Variants in CSMD1 observed in about 807,000 individuals in gnomAD.
CSMD1 encodes CUB and sushi domain-containing protein 1.
A neutral mutation model predicts 417.5 loss-of-function variants in CSMD1; 213 were observed. The observed-to-expected ratio is 0.51, with a 90% CI of 0.46 to 0.57. CSMD1 has a LOEUF of 0.57. Among genes scored for constraint, CSMD1 ranks in the 20% least tolerant of loss-of-function variants. CSMD1 has a pLI of 0.00. For missense variants in CSMD1, 6,923 were observed against 4,529.7 expected (o/e 1.53, Z -15.17); for synonymous variants, 2,862 against 1,736.8 (o/e 1.65, Z -16.11).
chr8:4,509,716 G>A (rs987703413), intron 2 of CSMD1, among the ~76,000 whole-genome samples: 2 of 152,058 alleles, frequency 1.3e-5, no homozygotes, highest in East Asian at 1.9e-4. Context: ...CACTTATTAA[G>A]CCTCATTCTA....
chr8:4,905,614 T>C (rs538562071), intron 1 of CSMD1, among the ~76,000 whole-genome samples: 2,647 of 151,596 alleles, frequency 0.017, 61 homozygotes, highest in African/African-American at 0.057. Context: ...GGTCATGAGA[T>C]CGAGGCCATC....
intron 1 of CSMD1, among the ~76,000 whole-genome samples, chr8:4,902,433 A>AC (rs1804945924): frequency 8.7e-6 from 1 of 115,490 alleles, no homozygotes; most frequent in South Asian, 2.8e-4. Flanking sequence ...TCTAAAGAGG[A>AC]GAAAAAAAAA....
At chr8:3,684,162 T>C (rs1211293384) in intron 7 of CSMD1, among the ~76,000 whole-genome samples, 2 of 143,100 alleles carry the variant, frequency 1.4e-5, no homozygotes, top group Non-Finnish European at 3.0e-5. Context: ...ATAATTTATA[T>C]AATATATATT....
intron 1 of CSMD1, among the ~76,000 whole-genome samples, chr8:4,674,618 G>C (rs1805557680): frequency 1.3e-5 from 2 of 152,046 alleles, no homozygotes; most frequent in Admixed American, 1.3e-4. Context: ...GGAACACCAA[G>C]GAGACAAATA....
At chr8:4,275,931 G>A (rs1796461162) in intron 3 of CSMD1, among the ~76,000 whole-genome samples, 1 of 152,186 alleles carries the variant, frequency 6.6e-6, no homozygotes, top group South Asian at 2.1e-4. Flanking sequence ...GATACTTTGT[G>A]TAAAAAGGAA....
At chr8:4,928,550 T>C (rs920228601) in intron 1 of CSMD1, among the ~76,000 whole-genome samples, 2 of 152,130 alleles carry the variant, frequency 1.3e-5, no homozygotes, top group African/African-American at 4.8e-5. Context: ...AAATAACAAT[T>C]CTAATTCCAG....
chr8:3,551,592 A>C (rs62475795), intron 10 of CSMD1, among the ~76,000 whole-genome samples: 1 of 117,226 alleles, frequency 8.5e-6, no homozygotes, highest in East Asian at 2.4e-4. Flanking sequence ...ATATATATAT[A>C]TATATTTTTT....
intron 5 of CSMD1, among the ~76,000 whole-genome samples, chr8:3,910,081 T>C (rs1467044405): frequency 6.6e-6 from 1 of 152,192 alleles, no homozygotes; most frequent in East Asian, 1.9e-4. Context: ...GCTGCTAACA[T>C]GGCATTGGGG....
chr8:3,272,959 C>T (rs1278646109), intron 26 of CSMD1, among the ~76,000 whole-genome samples: 1 of 150,062 alleles, frequency 6.7e-6, no homozygotes, highest in Non-Finnish European at 1.5e-5. Flanking sequence ...CCAGAACTTC[C>T]AACACTATGT....
chr8:3,803,265 G>T (rs543362384), intron 5 of CSMD1, among the ~76,000 whole-genome samples: 8 of 151,766 alleles, frequency 5.3e-5, no homozygotes, highest in Non-Finnish European at 7.4e-5. Flanking sequence ...TCAGGAACAC[G>T]GGTTCTCATT....
At chr8:4,079,696 C>T (rs1251330615) in intron 3 of CSMD1, among the ~76,000 whole-genome samples, 1 of 152,182 alleles carries the variant, frequency 6.6e-6, no homozygotes, top group African/African-American at 2.4e-5. Context: ...CTGTAGTAAA[C>T]TTGCTTTCTT....
rs1020071938 is a variant in CSMD1, at chr8:3,600,018, C to T, written c.1098-13758G>A. On this transcript the variant is annotated intron_variant, in intron 8 of 69. Coordinates refer to ENST00000635120, the MANE Select transcript of CSMD1 (RefSeq NM_033225.6). ...TTGTGAGGGCAGGGAAAATGACCACCACAAGAGGCACCTCCTCAGCTCATC... is the reference window on the plus strand; with the variant it reads ...TTGTGAGGGCAGGGAAAATGACCACTACAAGAGGCACCTCCTCAGCTCATC... Among the ~76,000 whole-genome samples the T allele has an allele frequency of 7.9e-5, 12 of 152,186 alleles. No individual in the cohort carries two copies. In the South Asian group the frequency reaches 2.1e-3, roughly 26 times the overall value.
rs986847544 is a variant in CSMD1, at chr8:3,817,088, C to G, written c.819-63046G>C. Among the ~76,000 whole-genome samples the G allele has an allele frequency of 7.2e-5, 11 of 151,860 alleles. No individual in the cohort carries two copies. The East Asian group carries it at 2.1e-3, about 30-fold the overall frequency. Reference sequence around the variant, plus strand: ...GGAAGATAATCTGTTGAGATGAGGTCTCTGGGAAAGAGAAATGAAGATCTT... The same window carrying G: ...GGAAGATAATCTGTTGAGATGAGGTGTCTGGGAAAGAGAAATGAAGATCTT... On this transcript the variant is annotated intron_variant, in intron 5 of 69. Transcript: ENST00000635120.
At chr8:3,590,945 C>A (rs1218304514) in intron 8 of CSMD1, among the ~76,000 whole-genome samples, 1 of 152,142 alleles carries the variant, frequency 6.6e-6, no homozygotes, top group Admixed American at 6.5e-5. Context: ...TTTATGATTA[C>A]TATATTTGAA....
At chr8:3,638,915 C>G (rs191663135) in intron 7 of CSMD1, among the ~76,000 whole-genome samples, 33 of 152,226 alleles carry the variant, frequency 2.2e-4, no homozygotes, top group Non-Finnish European at 4.7e-4. Flanking sequence ...CTCCGAATAG[C>G]CTGATATTTA....
chr8:4,840,890 C>T (rs750990858), intron 1 of CSMD1, among the ~76,000 whole-genome samples: 3 of 152,164 alleles, frequency 2.0e-5, no homozygotes, highest in South Asian at 4.1e-4. Context: ...CTAATATTTG[C>T]GTGTCTCAAT....
At chr8:4,980,982 T>G (rs1810858054) in intron 1 of CSMD1, among the ~76,000 whole-genome samples, 1 of 152,102 alleles carries the variant, frequency 6.6e-6, no homozygotes, top group Non-Finnish European at 1.5e-5. Context: ...TTTTCTTCAA[T>G]TTTTTTAAAT....
At chr8:3,673,598 T>C (rs1799202901) in intron 7 of CSMD1, among the ~76,000 whole-genome samples, 3 of 152,214 alleles carry the variant, frequency 2.0e-5, no homozygotes, top group Admixed American at 2.0e-4. Context: ...GAGCTAATTT[T>C]AACTTGAATA....
intron 3 of CSMD1, among the ~76,000 whole-genome samples, chr8:4,046,426 T>A (rs932507952): frequency 2.0e-5 from 3 of 152,206 alleles, no homozygotes; most frequent in Non-Finnish European, 2.9e-5. Context: ...CAAACCTAAA[T>A]GTGCTTTCTG....
Sources: gnomAD v4.1 joint callset for allele counts (sites outside exome capture counted in the v4.1 genomes callset) on GRCh38, gnomAD v4.1.1 for gene constraint, MANE v1.5 for transcripts, NCBI Gene and HGNC (gene_info 2026-07-23, HGNC 2026-07-21) for gene names.